SAR1A: variants seen among roughly 807,000 people sequenced by gnomAD.
SAR1A encodes secretion associated Ras related GTPase 1A.
A neutral mutation model predicts 22.6 loss-of-function variants in SAR1A; 6 were observed. That is an observed-to-expected ratio of 0.27 (90% confidence interval 0.15 to 0.52). The LOEUF (loss-of-function observed/expected upper bound fraction) is 0.52. SAR1A is among the 20% of genes least tolerant of loss of function. The pLI is 0.96. For synonymous variants in SAR1A, 70 were observed against 82.2 expected (o/e 0.85, Z 0.80); for missense variants, 145 against 245.1 (o/e 0.59, Z 2.73).
In SAR1A at chr10:70,150,935, C is replaced by T. The variant is rs1839318169; in HGVS notation, c.*1541G>A. On this transcript the variant is annotated 3_prime_UTR_variant, in exon 7 of 7. Coordinates refer to ENST00000373241, the MANE Select transcript of SAR1A (RefSeq NM_020150.5). ...ACCCCAGTAATGTTATCCACATTTTCCCTACCCTCACATTAGAATAAAGAC... is the reference window on the plus strand; with the variant it reads ...ACCCCAGTAATGTTATCCACATTTTTCCTACCCTCACATTAGAATAAAGAC... The T allele has an allele frequency of 6.6e-6, 1 of 152,258 alleles. No homozygotes were observed. Among genetic ancestry groups the T allele is most frequent in the African/African-American group, 2.4e-5 (1 of 41,436 alleles). The allele number at this position is 152,258 out of a possible 1,614,324, so 9.4% of individuals were successfully genotyped here.
chr10:70,161,650 T>A lies in SAR1A; in HGVS notation c.147A>T (p.Arg49Ser), dbSNP rs753453691. The A allele has an allele frequency of 6.2e-7, 1 of 1,612,396 alleles. No homozygotes were observed. The highest frequency in any genetic ancestry group is 8.5e-7 in the Non-Finnish European group (1 of 1,180,000). The change falls in exon 3 of 7, where the codon AGA becomes AGT. Residue 49 changes from arginine to serine, a missense_variant. This residue lies in a region of SAR1A where 40 missense variants were observed against 105.7 expected (regional missense o/e 0.38). Transcript: ENST00000373241. Reference sequence around the variant, plus strand: ...GTAGTGTTGGAACATGTTGGCCCAATCTGTCATCTTTGAGCATGTGAAGAA... The same window carrying A: ...GTAGTGTTGGAACATGTTGGCCCAAACTGTCATCTTTGAGCATGTGAAGAA... ...TTLLHMLKDD[R>S]LGQHVPTLHP... is the part of the protein sequence containing the mutation.
intron 1 of SAR1A, chr10:70,167,638 G>C (rs574061404): frequency 6.6e-6 from 1 of 151,818 alleles, no homozygotes; most frequent in South Asian, 2.1e-4. Context: ...GAAAAGTAGA[G>C]CTGGTATGTT....
chr10:70,163,918 A>G (rs1357728860), intron 1 of SAR1A: 57 of 1,599,414 alleles, frequency 3.6e-5, no homozygotes, highest in Non-Finnish European at 4.6e-5. Flanking sequence ...AAAATGAAAG[A>G]CACAGACAGT....
rs996184497 is a variant in SAR1A at position 70,147,390 on chromosome 10, C to T, written c.*5086G>A. 2.6e-5 allele frequency: 4 copies of T among 152,202 alleles called. No individual in the cohort carries two copies. The highest frequency in any genetic ancestry group is 7.2e-5 in the African/African-American group (3 of 41,454). 9.4% of individuals were successfully genotyped at this position (152,202 alleles called of 1,614,324 possible). The stretch of plus-strand genomic sequence containing the variant: ...ATTTATCTAGGCCAGGGTCCAAATA[C>T]TTTCTGTAGAAGGCCAGAATGGAAA... On this transcript the variant is annotated 3_prime_UTR_variant, in exon 7 of 7. Transcript: ENST00000373241.
intron 5 of SAR1A, among the ~76,000 whole-genome samples, chr10:70,155,309 T>C (rs1589874109): frequency 6.7e-6 from 1 of 150,258 alleles, no homozygotes; most frequent in East Asian, 1.9e-4. Flanking sequence ...TCTAAATGAT[T>C]AAAAAAAAAA....
chr10:70,158,275 C>T (rs1382473468), intron 4 of SAR1A, among the ~76,000 whole-genome samples: 1 of 152,196 alleles, frequency 6.6e-6, no homozygotes, highest in Admixed American at 6.5e-5. Flanking sequence ...CCCCTGGGGC[C>T]AAGTCTAGTT....
rs761365081 is a variant in SAR1A, at chr10:70,152,502, G to T, written c.571C>A (p.Arg191Ser). ...CAGTCAATATACTGGGAGAGCCAGC[G>T]GAAACCCTCGCCGTAACCTTGCCTC... ...LKRQGYGEGF[R>S]WLSQYID Residue 191 changes from arginine to serine, a missense_variant, in exon 7 of 7, where the codon CGC (arginine) becomes AGC (serine). Arg to Ser is a moderately radical substitution (Grantham distance 110, BLOSUM62 -1). Coordinates refer to ENST00000373241, the MANE Select transcript of SAR1A (RefSeq NM_020150.5). The T allele has an allele frequency of 6.2e-7, 1 of 1,613,836 alleles. No homozygotes were observed. Among genetic ancestry groups the T allele is most frequent in the Non-Finnish European group, 8.5e-7 (1 of 1,179,748 alleles).
intron 6 of SAR1A, 28 bp downstream of exon 6, chr10:70,153,810 A>G (rs769738196): frequency 1.3e-5 from 21 of 1,560,058 alleles, no homozygotes; most frequent in Non-Finnish European, 1.0e-5. Context: ...AATGTCCTTT[A>G]TATGTAACCC....
chr10:70,168,959 G>A (rs924728971), intron 1 of SAR1A, among the ~76,000 whole-genome samples: 3 of 152,108 alleles, frequency 2.0e-5, no homozygotes, highest in African/African-American at 7.2e-5. Flanking sequence ...CTCAGCAGCT[G>A]AAAATGGCCT....
chr10:70,161,373 C>A, intron 3 of SAR1A: 1 of 553,894 alleles, frequency 1.8e-6, no homozygotes, highest in South Asian at 2.5e-5. Flanking sequence ...AGCTATTTTC[C>A]ACTTCTTAGA....
At chr10:70,158,245 C>T (rs372109748) in intron 4 of SAR1A, among the ~76,000 whole-genome samples, 4 of 151,268 alleles carry the variant, frequency 2.6e-5, no homozygotes, top group South Asian at 2.1e-4. Flanking sequence ...CAATTTTACT[C>T]ACTTAAATGA....
chr10:70,158,086 C>T (rs1037878423), intron 4 of SAR1A, among the ~76,000 whole-genome samples: 10 of 152,138 alleles, frequency 6.6e-5, no homozygotes, highest in African/African-American at 1.4e-4. Flanking sequence ...TCAGAGTTTC[C>T]GCTTTTTTTG....
At position 70,153,978 on chromosome 10, in the gene SAR1A, TGAAAAAAAAGAAAAAAA is replaced by T. The variant is rs1406954991; in HGVS notation, c.349-26_349-10del. On this transcript the variant is annotated splice_polypyrimidine_tract_variant and intron_variant, in intron 5 of 6. Coordinates refer to ENST00000373241, the MANE Select transcript of SAR1A (RefSeq NM_020150.5). ...TCATCAGTCATTAAAGCCTAAAGAT[TGAAAAAAAAGAAAAAAA>T]GAAAAAAAAGAATTAAGTGAGGAAT... is the stretch of plus-strand genomic sequence containing the variant. 2 of 1,548,632 alleles carry T rather than the reference TGAAAAAAAAGAAAAAAA, an allele frequency of 1.3e-6. No homozygotes were observed. The highest frequency in any genetic ancestry group is 2.2e-5 in the Admixed American group (1 of 44,554).
Position 70,152,332 on chromosome 10 carries a change from TGA to T in SAR1A, c.*142_*143del. The T allele has an allele frequency of 1.1e-6, 1 of 885,006 alleles. No individual in the cohort carries two copies. The allele number at this position is 885,006 out of a possible 1,614,324, so 54.8% of individuals were successfully genotyped here. A position where few individuals can be genotyped will look rare whatever the true frequency, so the allele number is the denominator to read the frequency against. The stretch of plus-strand genomic sequence containing the variant: ...AAGAGCACATGTCACCACTGGGCAA[TGA>T]GAGAGTTGACAGAGACTCTTGGCTT... On this transcript the variant is annotated 3_prime_UTR_variant, in exon 7 of 7. Coordinates refer to ENST00000373241, the MANE Select transcript of SAR1A (RefSeq NM_020150.5).
chr10:70,147,759 G>C lies in SAR1A; in HGVS notation c.*4717C>G, dbSNP rs1839271160. ...CTTTAGGACAGAGGAGGATGAACGA[G>C]TATGTCGGGGAGTGGGGGGGCGCGG... On this transcript the variant is annotated 3_prime_UTR_variant, in exon 7 of 7. Transcript: ENST00000373241. 6.6e-6 allele frequency: 1 copy of C among 152,324 alleles called. No homozygotes were observed. Among genetic ancestry groups the C allele is most frequent in the Non-Finnish European group, 1.5e-5 (1 of 68,120 alleles). 9.4% of individuals were successfully genotyped at this position (152,324 alleles called of 1,614,324 possible). A position where few individuals can be genotyped will look rare whatever the true frequency, so the allele number is the denominator to read the frequency against.
At chr10:70,169,752 C>T (rs1390685940) in intron 1 of SAR1A, among the ~76,000 whole-genome samples, 2 of 152,158 alleles carry the variant, frequency 1.3e-5, no homozygotes, top group African/African-American at 2.4e-5. Context: ...GCAACCGAAG[C>T]CGATGGAATC....
At chr10:70,163,555 G>A (rs144937416) in intron 1 of SAR1A, 5,993 of 550,644 alleles carry the variant, frequency 0.011, 49 homozygotes, top group Non-Finnish European at 0.015. Context: ...AAAATCCTAG[G>A]ACCCATACTC....
chr10:70,169,004 G>A (rs889089369), intron 1 of SAR1A, among the ~76,000 whole-genome samples: 2 of 152,090 alleles, frequency 1.3e-5, no homozygotes, highest in East Asian at 1.9e-4. Flanking sequence ...CTTAGGATTT[G>A]TACCAACTCA....
chr10:70,158,718 A>G (rs1303593254), intron 4 of SAR1A, among the ~76,000 whole-genome samples: 1 of 145,118 alleles, frequency 6.9e-6, no homozygotes, highest in East Asian at 2.0e-4. Flanking sequence ...GTTACATCGA[A>G]CTTGCTCTCC....
Sources: gnomAD v4.1 joint callset for allele counts (sites outside exome capture counted in the v4.1 genomes callset) on GRCh38, gnomAD v4.1.1 for gene constraint, gnomAD v4.1.1 regional missense constraint, MANE v1.5 for transcripts, NCBI Gene and HGNC (gene_info 2026-07-23, HGNC 2026-07-21) for gene names.